Variants in PPP1R9A observed in about 807,000 individuals in gnomAD.
PPP1R9A encodes protein phosphatase 1 regulatory subunit 9A.
In PPP1R9A, 59 loss-of-function variants were observed where a neutral mutation model predicts 141.9. The observed-to-expected ratio is 0.42, with a 90% CI of 0.34 to 0.52. PPP1R9A has a LOEUF of 0.52. Among genes scored for constraint, PPP1R9A ranks in the 20% least tolerant of loss-of-function variants. PPP1R9A has a pLI of 0.10. For missense variants in PPP1R9A, 1,444 were observed against 1,611.9 expected, an observed-to-expected ratio of 0.90 and a Z score of 1.78; for synonymous variants, 500 against 569.7, an observed-to-expected ratio of 0.88 and a Z score of 1.74.
chr7:94,982,111 G>T (rs956826272), intron 2 of PPP1R9A, among the ~76,000 whole-genome samples: 4 of 152,032 alleles, frequency 2.6e-5, no homozygotes, highest in African/African-American at 9.7e-5. Context: ...TGCTCAGAAT[G>T]ATGGTTTCCA....
intron 16 of PPP1R9A, among the ~76,000 whole-genome samples, chr7:95,276,809 A>T (rs1803296409): frequency 6.6e-6 from 1 of 152,188 alleles, no homozygotes; most frequent in Non-Finnish European, 1.5e-5. Flanking sequence ...CAAGAAAAAA[A>T]ATTTTGAGCT....
intron 2 of PPP1R9A, among the ~76,000 whole-genome samples, chr7:94,967,279 AT>A (rs557099816): frequency 2.7e-5 from 4 of 150,626 alleles, no homozygotes; most frequent in Middle Eastern, 3.5e-3. Context: ...GGATTCATTG[AT>A]TTTTTTTTGA....
At chr7:95,257,449 C>T (rs1222204175) in intron 12 of PPP1R9A, among the ~76,000 whole-genome samples, 1 of 151,900 alleles carries the variant, frequency 6.6e-6, no homozygotes, top group Non-Finnish European at 1.5e-5. Flanking sequence ...AAATGGATTA[C>T]AGTCTCAAAT....
chr7:94,951,897 A>G (rs770254325), intron 2 of PPP1R9A, among the ~76,000 whole-genome samples: 53 of 151,618 alleles, frequency 3.5e-4, no homozygotes, highest in Non-Finnish European at 6.6e-4. Context: ...TTTGAAGACT[A>G]TAGCACTCTA....
chr7:95,195,888 A>G (rs12704779), intron 5 of PPP1R9A, among the ~76,000 whole-genome samples: 60,338 of 151,764 alleles, frequency 0.4, 12,596 homozygotes, highest in South Asian at 0.51. Flanking sequence ...TCATCTCTAC[A>G]AAAAATTATA....
Position 95,238,799 on chromosome 7 carries a change from T to C in PPP1R9A, c.2113-8674T>C, listed in dbSNP as rs578190870. Reference sequence around the variant, plus strand: ...CTTCTTGAAACCAATGCTGAATTTATTGTCATACTTGATTGTTTAAATATG... The same window carrying C: ...CTTCTTGAAACCAATGCTGAATTTACTGTCATACTTGATTGTTTAAATATG... On this transcript the variant is annotated intron_variant, in intron 8 of 19. Coordinates refer to ENST00000433360, the MANE Select transcript of PPP1R9A (RefSeq NM_001166160.2). 5.3e-4 allele frequency among the ~76,000 whole-genome samples: 80 copies of C among 152,310 alleles called. 2 individuals carry two copies. Among genetic ancestry groups the C allele is most frequent in the African/African-American group, 1.9e-3 (78 of 41,574 alleles).
chr7:95,077,113 T>A (rs1814970859), intron 2 of PPP1R9A, among the ~76,000 whole-genome samples: 1 of 152,162 alleles, frequency 6.6e-6, no homozygotes, highest in Non-Finnish European at 1.5e-5. Context: ...GATTTTTAAT[T>A]TAGTCTGAAA....
At chr7:95,072,913 A>G (rs1394638609) in intron 2 of PPP1R9A, among the ~76,000 whole-genome samples, 1 of 123,802 alleles carries the variant, frequency 8.1e-6, no homozygotes, top group Non-Finnish European at 1.6e-5. Context: ...TATGTGCAAT[A>G]TATATTATAT....
intron 4 of PPP1R9A, among the ~76,000 whole-genome samples, chr7:95,123,736 CTACTT>C (rs1398035310): frequency 6.6e-6 from 1 of 152,168 alleles, no homozygotes; most frequent in Non-Finnish European, 1.5e-5. Context: ...TCCATTCCCT[CTACTT>C]ATCATCTGGG....
chr7:95,227,151 A>G (rs1310314754), intron 8 of PPP1R9A, among the ~76,000 whole-genome samples: 1 of 152,232 alleles, frequency 6.6e-6, no homozygotes, highest in East Asian at 1.9e-4. Context: ...TGGCCAAAGA[A>G]TATAAGTTAT....
chr7:95,025,008 A>G (rs1806602097), intron 2 of PPP1R9A, among the ~76,000 whole-genome samples: 2 of 152,024 alleles, frequency 1.3e-5, no homozygotes, highest in African/African-American at 4.8e-5. Flanking sequence ...CTTGTCTGTG[A>G]AGGATTTTAT....
intron 4 of PPP1R9A, among the ~76,000 whole-genome samples, chr7:95,133,763 C>A (rs565436900): frequency 2.6e-5 from 4 of 152,086 alleles, no homozygotes; most frequent in African/African-American, 9.6e-5. Context: ...GTGGCATGAT[C>A]TTGGCTCACT....
At chr7:95,108,937 G>A (rs549742989) in intron 2 of PPP1R9A, 16 of 152,188 alleles carry the variant, frequency 1.1e-4, no homozygotes, top group African/African-American at 3.6e-4. Context: ...GTCATAAACC[G>A]GGACCTATTA....
intron 2 of PPP1R9A, among the ~76,000 whole-genome samples, chr7:95,107,098 TA>T (rs904256287): frequency 5.3e-5 from 8 of 152,100 alleles, no homozygotes; most frequent in East Asian, 3.9e-4. Flanking sequence ...TGGTAGTCTT[TA>T]AAAAAAATCT....
Position 94,936,654 on chromosome 7 carries a change from GTGTGTGT to G in PPP1R9A, c.1395+25147_1395+25153del, listed in dbSNP as rs1794796951. Reference sequence around the variant, plus strand: ...AAGTATGGGGAGACTGTGTAGGGGTGTGTGTGTGTGTGTGTGTGTGTGTGTGTGTTTG... The same window carrying G: ...AAGTATGGGGAGACTGTGTAGGGGTGGTGTGTGTGTGTGTGTGTGTGTTTG... On this transcript the variant is annotated intron_variant, in intron 2 of 19. Transcript: ENST00000433360. Among the ~76,000 whole-genome samples, 9 of 122,652 alleles carry G rather than the reference GTGTGTGT, an allele frequency of 7.3e-5. No homozygotes were observed. The South Asian group carries it at 1.0e-3, about 14-fold the overall frequency. 80.5% of individuals were successfully genotyped at this position (122,652 alleles called of 152,430 possible).
At chr7:95,132,489 A>T (rs1161866145) in intron 4 of PPP1R9A, among the ~76,000 whole-genome samples, 1 of 151,968 alleles carries the variant, frequency 6.6e-6, no homozygotes, top group Non-Finnish European at 1.5e-5. Context: ...ATATTTATTG[A>T]TTTGTATATG....
chr7:95,065,132 C>T (rs1812774669), intron 2 of PPP1R9A, among the ~76,000 whole-genome samples: 1 of 152,168 alleles, frequency 6.6e-6, no homozygotes, highest in Admixed American at 6.5e-5. Flanking sequence ...GTGGCATGCT[C>T]ATAGCTCACT....
chr7:95,288,752 G>A, intron 19 of PPP1R9A, 34 bp downstream of exon 19: 2 of 1,598,754 alleles, frequency 1.3e-6, no homozygotes. Context: ...AGGTTACCAG[G>A]TATAATTTGT....
intron 2 of PPP1R9A, among the ~76,000 whole-genome samples, chr7:94,931,375 T>C (rs1419129104): frequency 6.6e-6 from 1 of 152,158 alleles, no homozygotes; most frequent in Non-Finnish European, 1.5e-5. Context: ...CCCTTTCCTA[T>C]TGGCCCAGTG....
Sources: allele counts gnomAD v4.1 joint callset (sites outside exome capture counted in the v4.1 genomes callset), GRCh38; gene constraint gnomAD v4.1.1; transcripts MANE v1.5; gene names NCBI Gene and HGNC (gene_info 2026-07-23, HGNC 2026-07-21).